STK33: variants seen among roughly 807,000 people sequenced by gnomAD.
The protein encoded by STK33 is serine/threonine kinase 33.
STK33 carries 52 observed loss-of-function variants against 58.0 expected under a neutral mutation model. The observed-to-expected ratio is 0.90, with a 90% CI of 0.72 to 1.13. The LOEUF (loss-of-function observed/expected upper bound fraction) is 1.13, where lower values mean the gene tolerates loss of function less well. Among genes scored for constraint, STK33 ranks in the 50% most tolerant of loss-of-function variants. The pLI, the probability that STK33 is intolerant of heterozygous loss-of-function variation, is 0.00. For missense variants in STK33, 630 were observed against 604.2 expected (o/e 1.04, Z -0.45); for synonymous variants, 215 against 200.1 (o/e 1.07, Z -0.63).
the STK33 span, among the ~76,000 whole-genome samples, chr11:8,342,903 G>A: frequency 6.6e-6 from 1 of 152,256 alleles, no homozygotes; most frequent in South Asian, 2.1e-4. Context: ...CAATAAAGGT[G>A]TGTGTCAGGG....
chr11:8,388,763 T>C (rs1383563522), downstream of STK33, among the ~76,000 whole-genome samples: 1 of 152,070 alleles, frequency 6.6e-6, no homozygotes, highest in Non-Finnish European at 1.5e-5. Context: ...CAGTGAAGTG[T>C]TGCATTCTTT....
At chr11:8,429,817 C>T (rs1177060094) in intron 14 of STK33, among the ~76,000 whole-genome samples, 1 of 152,166 alleles carries the variant, frequency 6.6e-6, no homozygotes, top group East Asian at 1.9e-4. Context: ...CTCGTTAAGA[C>T]CCTGCTTCCA....
At position 8,474,893 on chromosome 11, in the gene STK33, C is replaced by T. The variant is rs1231443906; in HGVS notation, c.13G>A (p.Gly5Ser). 3 of 1,583,294 alleles carry T rather than the reference C, an allele frequency of 1.9e-6. No homozygotes were observed. The highest frequency in any genetic ancestry group is 2.6e-6 in the Non-Finnish European group (3 of 1,166,688). The change falls in exon 5 of 16, where the codon GGC becomes AGC. Residue 5 changes from glycine (G) to serine (S), a missense_variant. Physicochemically the swap from Gly to Ser is moderately conservative, Grantham distance 56. Transcript: ENST00000687296. MADS[G>S]LDKKSTKCPD... Reference sequence around the variant, plus strand: ...CATTTTGTGGATTTTTTATCTAAGCCACTATCAGCCATTTGTTTAACTCTG... The same window carrying T: ...CATTTTGTGGATTTTTTATCTAAGCTACTATCAGCCATTTGTTTAACTCTG...
chr11:8,464,681 T>G (rs752531871), intron 7 of STK33, 28 bp downstream of exon 7: 13 of 1,531,004 alleles, frequency 8.5e-6, no homozygotes, highest in Non-Finnish European at 9.0e-7. Context: ...CACTGTGCCC[T>G]CAGTAGGATG....
At chr11:8,478,765 C>T (rs1027931594) in intron 2 of STK33, among the ~76,000 whole-genome samples, 1 of 151,224 alleles carries the variant, frequency 6.6e-6, no homozygotes, top group African/African-American at 2.4e-5. Flanking sequence ...AAAAAACTTA[C>T]GAATTGTCTG....
chr11:8,521,160 C>T (rs1316137974), intron 1 of STK33, among the ~76,000 whole-genome samples: 19 of 151,890 alleles, frequency 1.3e-4, no homozygotes. Context: ...AAAAAGAGCC[C>T]CCATTGCCAA....
At chr11:8,426,820 A>G (rs979368279) in intron 14 of STK33, among the ~76,000 whole-genome samples, 1 of 151,772 alleles carries the variant, frequency 6.6e-6, no homozygotes, top group African/African-American at 2.4e-5. Flanking sequence ...CTTCCATATC[A>G]TTGTTATTTC....
At chr11:8,575,553 G>A (rs745992050) in intron 1 of STK33, among the ~76,000 whole-genome samples, 7 of 152,134 alleles carry the variant, frequency 4.6e-5, no homozygotes, top group Non-Finnish European at 8.8e-5. Flanking sequence ...AGGCAAATTC[G>A]TGGAGACAGA....
intron 11 of STK33, among the ~76,000 whole-genome samples, chr11:8,448,272 G>GA (rs1945779152): frequency 6.6e-6 from 1 of 152,052 alleles, no homozygotes; most frequent in African/African-American, 2.4e-5. Context: ...CACAGAATTG[G>GA]AAAAAACTAC....
chr11:8,385,016 C>T, the STK33 span, among the ~76,000 whole-genome samples: 1 of 152,202 alleles, frequency 6.6e-6, no homozygotes, highest in Non-Finnish European at 1.5e-5. Context: ...CCAGGCCTGG[C>T]CTTCCCCAGG....
At chr11:8,553,201 G>GTGTA (rs1565347647) in intron 1 of STK33, among the ~76,000 whole-genome samples, 1 of 61,132 alleles carries the variant, frequency 1.6e-5, no homozygotes, top group African/African-American at 8.1e-5. Flanking sequence ...TATATATGGT[G>GTGTA]TATATATATA....
intron 1 of STK33, among the ~76,000 whole-genome samples, chr11:8,571,845 A>C (rs1166876933): frequency 6.6e-6 from 1 of 150,846 alleles, no homozygotes; most frequent in African/African-American, 2.4e-5. Context: ...AAAAAAAAAA[A>C]GGTTAAAATG....
intron 1 of STK33, among the ~76,000 whole-genome samples, chr11:8,528,893 T>C (rs1160806978): frequency 1.3e-5 from 2 of 152,264 alleles, no homozygotes; most frequent in East Asian, 3.8e-4. Flanking sequence ...TGCCAGGTAG[T>C]GTACTGAACA....
intron 15 of STK33, among the ~76,000 whole-genome samples, chr11:8,398,201 C>T (rs1849717882): frequency 6.6e-6 from 1 of 152,190 alleles, no homozygotes; most frequent in Non-Finnish European, 1.5e-5. Context: ...ATGTTAAGGG[C>T]AGCCAGAGGG....
chr11:8,387,898 A>G (rs565854485), downstream of STK33, among the ~76,000 whole-genome samples: 2 of 146,660 alleles, frequency 1.4e-5, no homozygotes, highest in South Asian at 2.1e-4. Context: ...GAGCTTTCCT[A>G]AAGAATAGCC....
chr11:8,396,917 G>C (rs1048154200), intron 15 of STK33, among the ~76,000 whole-genome samples: 4 of 152,182 alleles, frequency 2.6e-5, no homozygotes, highest in African/African-American at 9.7e-5. Context: ...GCTGGGAGAG[G>C]GGCGCCCGCC....
the STK33 span, among the ~76,000 whole-genome samples, chr11:8,344,780 C>T: frequency 6.6e-6 from 1 of 152,232 alleles, no homozygotes; most frequent in Admixed American, 6.5e-5. Context: ...TCAAATCCCA[C>T]GGTTGGCTGA....
chr11:8,426,326 C>T (rs1404381057), intron 14 of STK33, among the ~76,000 whole-genome samples: 1 of 152,208 alleles, frequency 6.6e-6, no homozygotes, highest in Non-Finnish European at 1.5e-5. Context: ...CCCTATGCCG[C>T]GGAGTGACTC....
intron 1 of STK33, among the ~76,000 whole-genome samples, chr11:8,534,374 TC>T (rs1954795910): frequency 1.3e-5 from 2 of 151,966 alleles, no homozygotes; most frequent in Admixed American, 1.3e-4. Context: ...CCCACTCTAC[TC>T]CCCAAAAATA....
Sources: allele counts gnomAD v4.1 joint callset (sites outside exome capture counted in the v4.1 genomes callset), GRCh38; gene constraint gnomAD v4.1.1; transcripts MANE v1.5; gene names NCBI Gene and HGNC (gene_info 2026-07-23, HGNC 2026-07-21).